Variants in VSX2 observed in about 807,000 individuals in gnomAD.
The protein encoded by VSX2 is ceh-10 homeo domain containing homolog.
In VSX2, 28 loss-of-function variants were observed where a neutral mutation model predicts 32.1. The observed-to-expected ratio is 0.87, with a 90% CI of 0.65 to 1.20. The LOEUF (loss-of-function observed/expected upper bound fraction) is 1.20. VSX2 is among the 50% of genes most tolerant of loss of function. VSX2 has a pLI of 0.00. For synonymous variants in VSX2, 243 were observed against 214.1 expected, an observed-to-expected ratio of 1.14 and a Z score of -1.18; for missense variants, 506 against 488.7, an observed-to-expected ratio of 1.04 and a Z score of -0.33.
chr14:74,244,116 C>T (rs1021171238), intron 2 of VSX2, among the ~76,000 whole-genome samples: 2 of 152,158 alleles, frequency 1.3e-5, no homozygotes, highest in African/African-American at 4.8e-5. Context: ...GAAAGAGGAC[C>T]TATGAATCCC....
At chr14:74,240,940 C>G (rs2079145948) in intron 1 of VSX2, among the ~76,000 whole-genome samples, 1 of 152,166 alleles carries the variant, frequency 6.6e-6, no homozygotes, top group African/African-American at 2.4e-5. Context: ...CCCAAGCGCG[C>G]CGGGGCCTTT....
At chr14:74,239,987 C>A (rs927767317) in intron 1 of VSX2, 56 bp downstream of exon 1, 4 of 1,535,818 alleles carry the variant, frequency 2.6e-6, no homozygotes, top group Non-Finnish European at 3.5e-6. Flanking sequence ...CCGGGAGCCC[C>A]GCGCCGTCGG....
rs1051001360 is a variant in VSX2, at chr14:74,260,470, C to T, written c.761-124C>T. 1.1e-4 allele frequency: 111 copies of T among 989,686 alleles called. 2 individuals carry two copies. The Admixed American group carries it at 1.6e-3, about 14-fold the overall frequency. 61.3% of individuals were successfully genotyped at this position (989,686 alleles called of 1,614,324 possible). A position where few individuals can be genotyped will look rare whatever the true frequency, so the allele number is the denominator to read the frequency against. ...TCCAGCCCTGGGACTTGTGTGACTG[C>T]GGTGTGGGGAGTAAGGCTTTCTGCT... On this transcript the variant is annotated intron_variant, in intron 4 of 4. Coordinates refer to ENST00000261980, the MANE Select transcript of VSX2 (RefSeq NM_182894.3).
At chr14:74,252,345 A>G (rs980554242) in intron 3 of VSX2, among the ~76,000 whole-genome samples, 1 of 151,268 alleles carries the variant, frequency 6.6e-6, no homozygotes, top group East Asian at 1.9e-4. Flanking sequence ...CTGCCAGACA[A>G]CTGTGGACAG....
chr14:74,259,709 C>T lies in VSX2; in HGVS notation c.687C>T (p.Ser229=), dbSNP rs1037936559. ...YGLYGAMVRH[S]IPLPESILKS... Reference sequence around the variant, plus strand: ...TCTACGGGGCCATGGTGCGGCACTCCATCCCCCTGCCCGAGTCCATCCTCA... The same window carrying T: ...TCTACGGGGCCATGGTGCGGCACTCTATCCCCCTGCCCGAGTCCATCCTCA... Residue 229 remains serine (S), a synonymous_variant, in exon 4 of 5, where the codon TCC becomes TCT. Transcript: ENST00000261980. The T allele has an allele frequency of 1.9e-6, 3 of 1,613,874 alleles. No individual in the cohort carries two copies. Among genetic ancestry groups the T allele is most frequent in the Non-Finnish European group, 2.5e-6 (3 of 1,179,800 alleles).
chr14:74,259,359 A>T (rs574517869), intron 3 of VSX2, among the ~76,000 whole-genome samples: 25 of 152,044 alleles, frequency 1.6e-4, no homozygotes, highest in Non-Finnish European at 3.1e-4. Context: ...CACCTGCAAG[A>T]CCCTGTCCAG....
At chr14:74,242,617 CTTT>C (rs5809656) in intron 2 of VSX2, among the ~76,000 whole-genome samples, 51 of 143,468 alleles carry the variant, frequency 3.6e-4, no homozygotes, top group South Asian at 6.6e-4. Flanking sequence ...GATCTTTGGT[CTTT>C]TTTTTTTTTT....
chr14:74,260,849 A>C lies in VSX2; in HGVS notation c.1016A>C (p.Glu339Ala), dbSNP rs1355846509. 1.3e-6 allele frequency: 2 copies of C among 1,567,038 alleles called. No homozygotes were observed. Among genetic ancestry groups the C allele is most frequent in the Middle Eastern group, 1.7e-4 (1 of 5,974 alleles). ...GCCCGGAGTACCGAGAAGCCAGAGG[A>C]GGAGGAGGCCATGGATGAAGACAGG... ...SLARSTEKPEEEEAMDEDRPA... is the reference protein window; with the variant it reads ...SLARSTEKPEAEEAMDEDRPA... Residue 339 changes from glutamate (E) to alanine (A), a missense_variant, in exon 5 of 5, where the codon GAG (glutamate) becomes GCG (alanine). Coordinates refer to ENST00000261980, the MANE Select transcript of VSX2 (RefSeq NM_182894.3).
In VSX2 at chr14:74,260,944, GC is replaced by G; in HGVS notation, c.*29del. On this transcript the variant is annotated 3_prime_UTR_variant, in exon 5 of 5. Transcript: ENST00000261980. The stretch of plus-strand genomic sequence containing the variant: ...GGTCAAGGCGCGCTCAGATGCCGGA[GC>G]CCCAAGACTCTGCTCTCCTCGGGCC... 6.5e-7 allele frequency: 1 copy of G among 1,549,262 alleles called. No homozygotes were observed. The highest frequency in any genetic ancestry group is 8.7e-7 in the Non-Finnish European group (1 of 1,146,978).
At chr14:74,257,267 T>C (rs917506741) in intron 3 of VSX2, among the ~76,000 whole-genome samples, 2 of 152,180 alleles carry the variant, frequency 1.3e-5, no homozygotes, top group African/African-American at 4.8e-5. Context: ...CTAGCGGCCT[T>C]CGGATTACAC....
chr14:74,260,529 G>A (rs866522858), intron 4 of VSX2, 65 bp from the exon 5 acceptor site: 363 of 1,497,022 alleles, frequency 2.4e-4, no homozygotes, highest in Middle Eastern at 1.0e-3. Context: ...TATCTTTGCC[G>A]TTTTCAGTTC....
chr14:74,257,759 A>C (rs1048954686), intron 3 of VSX2, among the ~76,000 whole-genome samples: 30 of 95,540 alleles, frequency 3.1e-4, no homozygotes, highest in African/African-American at 1.3e-3. Context: ...CCCGCTCCCC[A>C]GGAAGCGAAG....
chr14:74,247,373 A>G (rs2079199499), intron 3 of VSX2, among the ~76,000 whole-genome samples: 1 of 152,166 alleles, frequency 6.6e-6, no homozygotes, highest in Non-Finnish European at 1.5e-5. Context: ...CGGGCTTCAC[A>G]TGCCAGAGCC....
Position 74,239,536 on chromosome 14 carries a change from C to A in VSX2, c.-26C>A. On this transcript the variant is annotated 5_prime_UTR_variant, in exon 1 of 5. Transcript: ENST00000261980. ...GGTGGGGGGAGCTAAAGACCTGCGG[C>A]CTCAGCCCCTCCAAAGAACAGGGAG... 6.4e-7 allele frequency: 1 copy of A among 1,550,532 alleles called. No homozygotes were observed. Among genetic ancestry groups the A allele is most frequent in the Non-Finnish European group, 8.7e-7 (1 of 1,146,936 alleles).
At chr14:74,245,846 C>G (rs1012363482) in intron 3 of VSX2, among the ~76,000 whole-genome samples, 1 of 152,212 alleles carries the variant, frequency 6.6e-6, no homozygotes, top group African/African-American at 2.4e-5. Flanking sequence ...CTGCCCTGAC[C>G]TGCTGCTCCT....
intron 3 of VSX2, among the ~76,000 whole-genome samples, chr14:74,254,657 G>C (rs1414158000): frequency 6.6e-6 from 1 of 152,146 alleles, no homozygotes; most frequent in Non-Finnish European, 1.5e-5. Flanking sequence ...TGCCTTCCGG[G>C]TAGGCTCCCA....
intron 1 of VSX2, among the ~76,000 whole-genome samples, 159 bp downstream of exon 1, chr14:74,240,090 G>C (rs2079139544): frequency 6.6e-6 from 1 of 152,230 alleles, no homozygotes; most frequent in South Asian, 2.1e-4. Flanking sequence ...CTGGTGATGG[G>C]GCCCGGGAGG....
intron 3 of VSX2, among the ~76,000 whole-genome samples, chr14:74,249,564 C>T (rs1594755900): frequency 6.6e-6 from 1 of 152,148 alleles, no homozygotes; most frequent in East Asian, 1.9e-4. Context: ...ACCACCATGC[C>T]CGGCATGCTT....
chr14:74,250,704 A>ATT (rs398118379), intron 3 of VSX2, among the ~76,000 whole-genome samples: 11 of 150,582 alleles, frequency 7.3e-5, no homozygotes, highest in Non-Finnish European at 1.3e-4. Context: ...ACCAGGGCAG[A>ATT]TTTTTTTTTT....
Sources: allele counts gnomAD v4.1 joint callset (sites outside exome capture counted in the v4.1 genomes callset), GRCh38; gene constraint gnomAD v4.1.1; transcripts MANE v1.5; gene names NCBI Gene and HGNC (gene_info 2026-07-23, HGNC 2026-07-21).